Variants in LRBA observed in about 807,000 individuals in gnomAD.
LRBA encodes the protein LPS responsive beige-like anchor protein, also known as lipopolysaccharide-responsive and beige-like anchor protein.
Under a neutral mutation model 330.0 loss-of-function variants are expected in LRBA, and 176 were observed. That is an observed-to-expected ratio of 0.53 (90% CI 0.47 to 0.60). The LOEUF (loss-of-function observed/expected upper bound fraction) is 0.60. Among genes scored for constraint, LRBA ranks in the 20% least tolerant of loss-of-function variants. The pLI, the probability that LRBA is intolerant of heterozygous loss-of-function variation, is 0.00. For synonymous variants in LRBA, 1,230 were observed against 1,193.0 expected, an observed-to-expected ratio of 1.03 and a Z score of -0.64; for missense variants, 3,259 against 3,444.8, an observed-to-expected ratio of 0.95 and a Z score of 1.35.
At chr4:150,586,102 T>TAA (rs1772083224) in intron 40 of LRBA, among the ~76,000 whole-genome samples, 1 of 152,200 alleles carries the variant, frequency 6.6e-6, no homozygotes, top group Non-Finnish European at 1.5e-5. Context: ...CAAATTCTTT[T>TAA]AAATTATAAA....
At chr4:150,827,153 G>A (rs991902265) in intron 30 of LRBA, among the ~76,000 whole-genome samples, 5 of 152,158 alleles carry the variant, frequency 3.3e-5, no homozygotes, top group Non-Finnish European at 7.3e-5. Flanking sequence ...ACCACTATTA[G>A]ATGAGGAAGA....
At position 150,852,349 on chromosome 4, in the gene LRBA, C is replaced by T. The variant is rs752775334; in HGVS notation, c.3361G>A (p.Glu1121Lys). The T allele has an allele frequency of 2.5e-6, 4 of 1,613,778 alleles. No individual in the cohort carries two copies. Among genetic ancestry groups the T allele is most frequent in the Non-Finnish European group, 3.4e-6 (4 of 1,179,994 alleles). Residue 1121 changes from glutamate to lysine, a missense_variant, in exon 23 of 57, where the codon GAG (glutamate) becomes AAG (lysine). Glu to Lys is a moderately conservative substitution (Grantham distance 56). Coordinates refer to ENST00000651943, the MANE Select transcript of LRBA (RefSeq NM_001364905.1). ...VELKVEGSPT[E>K]EANLPTELQD... ...AGCTCTGTGGGTAGATTAGCTTCCT[C>T]AGTAGGACTGCCTTCTACTTTCAGT...
chr4:150,881,301 G>A (rs1363645683), intron 17 of LRBA, among the ~76,000 whole-genome samples: 1 of 152,164 alleles, frequency 6.6e-6, no homozygotes. Flanking sequence ...TAGAGAAAAT[G>A]TAATACATAT....
At chr4:150,303,340 T>C (rs1729918061) in intron 52 of LRBA, among the ~76,000 whole-genome samples, 2 of 152,200 alleles carry the variant, frequency 1.3e-5, no homozygotes, top group African/African-American at 2.4e-5. Flanking sequence ...CAGGATTATA[T>C]GGAAATTATG....
intron 37 of LRBA, among the ~76,000 whole-genome samples, chr4:150,658,281 C>T (rs1404080687): frequency 2.0e-5 from 3 of 149,914 alleles, no homozygotes; most frequent in African/African-American, 7.4e-5. Context: ...ATATGAAATA[C>T]ATAAATCGTT....
intron 55 of LRBA, among the ~76,000 whole-genome samples, chr4:150,278,433 G>T (rs1242683938): frequency 2.0e-5 from 3 of 151,008 alleles, no homozygotes; most frequent in Non-Finnish European, 4.4e-5. Flanking sequence ...TCCAGCTGGA[G>T]GGAGGCGGCC....
chr4:150,747,948 G>C (rs1732980026), intron 35 of LRBA, among the ~76,000 whole-genome samples: 1 of 152,064 alleles, frequency 6.6e-6, no homozygotes, highest in Non-Finnish European at 1.5e-5. Flanking sequence ...TCTTCACGTG[G>C]ATACCCAATA....
chr4:150,809,902 TACGATACGATACGATACGATAC>T (rs1560850166), intron 31 of LRBA, among the ~76,000 whole-genome samples: 4 of 150,230 alleles, frequency 2.7e-5, no homozygotes, highest in African/African-American at 1.0e-4. Context: ...TACGATACGA[TACGATACGATACGATACGATAC>T]GATACGATAC....
chr4:150,664,806 T>C (rs1446847740), intron 37 of LRBA, among the ~76,000 whole-genome samples: 1 of 152,196 alleles, frequency 6.6e-6, no homozygotes, highest in African/African-American at 2.4e-5. Context: ...CATGAATAGA[T>C]TACAACCTTA....
intron 30 of LRBA, among the ~76,000 whole-genome samples, chr4:150,823,476 C>CATG (rs1283681003): frequency 1.3e-5 from 2 of 152,058 alleles, no homozygotes; most frequent in African/African-American, 2.4e-5. Flanking sequence ...GATGTGATCT[C>CATG]ATCTGTCCAT....
At chr4:150,556,360 A>G (rs1767315985) in intron 40 of LRBA, among the ~76,000 whole-genome samples, 1 of 152,220 alleles carries the variant, frequency 6.6e-6, no homozygotes, top group African/African-American at 2.4e-5. Context: ...GAAGTTTAAT[A>G]TATTCAAACA....
At chr4:150,936,474 G>A (rs1432405862) in intron 2 of LRBA, among the ~76,000 whole-genome samples, 1 of 151,904 alleles carries the variant, frequency 6.6e-6, no homozygotes, top group Non-Finnish European at 1.5e-5. Context: ...AAATTAAGGA[G>A]TGACAGAATC....
At chr4:150,697,325 G>GGAAAAAAAAAAAA (rs1554081715) in intron 36 of LRBA, among the ~76,000 whole-genome samples, 1 of 28,034 alleles carries the variant, frequency 3.6e-5, no homozygotes, top group African/African-American at 1.3e-4. Context: ...CTTTGTCTCA[G>GGAAAAAAAAAAAA]AAAAAAAAAA....
chr4:150,325,981 T>C (rs1733207601), intron 48 of LRBA, 83 bp from the exon 49 acceptor site: 2 of 777,526 alleles, frequency 2.6e-6, no homozygotes, highest in South Asian at 1.5e-5. Context: ...GAAAATATCA[T>C]TCCATACTCT....
intron 37 of LRBA, among the ~76,000 whole-genome samples, chr4:150,654,990 G>A (rs1031866964): frequency 1.5e-4 from 23 of 152,024 alleles, no homozygotes; most frequent in Non-Finnish European, 2.8e-4. Flanking sequence ...TGTGAATAGT[G>A]CCGCAATAAA....
At position 150,798,063 on chromosome 4, in the gene LRBA, T is replaced by G; in HGVS notation, c.5580+18A>C. The stretch of plus-strand genomic sequence containing the variant: ...GTGATAATCTACTTTTAATTCAACA[T>G]TTATTCTTGCCACTCACCTGAGAAC... On this transcript the variant is annotated intron_variant, in intron 34 of 56. Coordinates refer to ENST00000651943, the MANE Select transcript of LRBA (RefSeq NM_001364905.1). 6.4e-7 allele frequency: 1 copy of G among 1,559,288 alleles called. No individual in the cohort carries two copies. Among genetic ancestry groups the G allele is most frequent in the Non-Finnish European group, 8.8e-7 (1 of 1,134,200 alleles).
Position 151,002,196 on chromosome 4 carries a change from C to CAAAAAAAAAAAA in LRBA, c.216+12219_216+12230dup, listed in dbSNP as rs143587760. Among the ~76,000 whole-genome samples the CAAAAAAAAAAAA allele has an allele frequency of 1.8e-3, 43 of 24,398 alleles. 1 individual carries two copies. Among genetic ancestry groups the CAAAAAAAAAAAA allele is most frequent in the Non-Finnish European group, 2.6e-3 (36 of 13,972 alleles). The allele number at this position is 24,398 out of a possible 152,430, so 16.0% of individuals were successfully genotyped here. On this transcript the variant is annotated intron_variant, in intron 2 of 56. Coordinates refer to ENST00000651943, the MANE Select transcript of LRBA (RefSeq NM_001364905.1). ...TAACGACAGAGGAAACATAAAACAG[C>CAAAAAAAAAAAA]AAAAAAAAAAAAAAAAAAAAAAAAA... is the stretch of plus-strand genomic sequence containing the variant.
chr4:150,431,240 T>G (rs1343094904), intron 46 of LRBA, among the ~76,000 whole-genome samples: 1 of 152,234 alleles, frequency 6.6e-6, no homozygotes, highest in Non-Finnish European at 1.5e-5. Flanking sequence ...TTTATCACAG[T>G]GATAATTCTC....
At chr4:150,528,455 C>G in intron 40 of LRBA, among the ~76,000 whole-genome samples, 1 of 150,312 alleles carries the variant, frequency 6.7e-6, no homozygotes, top group African/African-American at 2.5e-5. Flanking sequence ...GAGCCGAGAT[C>G]ACGCCACTGC....
Sources: allele counts gnomAD v4.1 joint callset (sites outside exome capture counted in the v4.1 genomes callset), GRCh38; gene constraint gnomAD v4.1.1; transcripts MANE v1.5; gene names NCBI Gene and HGNC (gene_info 2026-07-23, HGNC 2026-07-21).